BMPR2: variants seen among roughly 807,000 people sequenced by gnomAD.
BMPR2 encodes bone morphogenetic protein receptor type 2.
In BMPR2, 29 loss-of-function variants were observed where a neutral mutation model predicts 100.8. The observed-to-expected ratio is 0.29, with a 90% CI of 0.21 to 0.39. The LOEUF (loss-of-function observed/expected upper bound fraction) is 0.39, where lower values mean the gene tolerates loss of function less well. Ranked by LOEUF, BMPR2 falls within the 10% of genes least tolerant of loss-of-function variation. The pLI, the probability that BMPR2 is intolerant of heterozygous loss-of-function variation, is 1.00. For synonymous variants in BMPR2, 382 were observed against 442.3 expected (o/e 0.86, Z 1.71); for missense variants, 1,011 against 1,274.5 (o/e 0.79, Z 3.15).
At chr2:202,529,437 T>C (rs1043140399) in intron 7 of BMPR2, among the ~76,000 whole-genome samples, 5 of 152,196 alleles carry the variant, frequency 3.3e-5, no homozygotes, top group African/African-American at 1.2e-4. Flanking sequence ...GTTCTGCCCA[T>C]TGATTTGGTA....
At chr2:202,530,695 T>C in intron 7 of BMPR2, 99 bp from the exon 8 acceptor site, 1 of 1,090,548 alleles carries the variant, frequency 9.2e-7, no homozygotes, top group South Asian at 1.6e-5. Flanking sequence ...AGAAAATTAA[T>C]GGGCAGAAAA....
At chr2:202,559,345 C>T (rs902329429) in intron 12 of BMPR2, among the ~76,000 whole-genome samples, 2 of 151,624 alleles carry the variant, frequency 1.3e-5, no homozygotes, top group African/African-American at 4.8e-5. Context: ...GCATTAAATA[C>T]AATTAAATAC....
chr2:202,467,356 C>T (rs994012632), intron 2 of BMPR2, among the ~76,000 whole-genome samples, 163 bp from the exon 3 acceptor site: 1 of 152,150 alleles, frequency 6.6e-6, no homozygotes, highest in Non-Finnish European at 1.5e-5. Context: ...GTATCCTTTA[C>T]CATTTTTCTG....
chr2:202,552,607 A>G (rs1358022599), intron 10 of BMPR2, 109 bp from the exon 11 acceptor site: 2 of 1,140,458 alleles, frequency 1.8e-6, no homozygotes, highest in East Asian at 5.0e-5. Context: ...GCTATGTAAA[A>G]TACTGGTTAA....
chr2:202,412,529 C>T (rs931666500), intron 1 of BMPR2, among the ~76,000 whole-genome samples: 2 of 152,140 alleles, frequency 1.3e-5, no homozygotes, highest in Non-Finnish European at 2.9e-5. Flanking sequence ...CTGTGTTAGT[C>T]AGGATGGTCT....
chr2:202,478,967 T>C (rs1160175539), intron 3 of BMPR2, among the ~76,000 whole-genome samples: 1 of 151,716 alleles, frequency 6.6e-6, no homozygotes, highest in Non-Finnish European at 1.5e-5. Flanking sequence ...AAATCAAAAG[T>C]GTATATATTG....
At chr2:202,545,606 G>A (rs1440390434) in intron 10 of BMPR2, among the ~76,000 whole-genome samples, 1 of 152,178 alleles carries the variant, frequency 6.6e-6, no homozygotes, top group Non-Finnish European at 1.5e-5. Context: ...TTTAAGTGGG[G>A]TGATGTCATG....
chr2:202,483,389 G>GT (rs913222851), intron 3 of BMPR2, among the ~76,000 whole-genome samples: 119 of 145,588 alleles, frequency 8.2e-4, no homozygotes, highest in Admixed American at 1.8e-3. Context: ...TTTTGTTTTT[G>GT]TTTTTTTTTT....
chr2:202,489,278 C>T (rs1692848367), intron 3 of BMPR2, among the ~76,000 whole-genome samples: 1 of 152,206 alleles, frequency 6.6e-6, no homozygotes, highest in African/African-American at 2.4e-5. Context: ...GCTGGGATTA[C>T]AGGCGTGAGC....
chr2:202,433,203 T>C (rs1439227438), intron 1 of BMPR2, among the ~76,000 whole-genome samples: 2 of 150,546 alleles, frequency 1.3e-5, no homozygotes, highest in African/African-American at 5.0e-5. Context: ...TCTTTAGGAC[T>C]TGTATTAGTC....
At chr2:202,457,781 G>A (rs1158198497) in intron 1 of BMPR2, among the ~76,000 whole-genome samples, 1 of 152,076 alleles carries the variant, frequency 6.6e-6, no homozygotes, top group Non-Finnish European at 1.5e-5. Flanking sequence ...CCACACTGGA[G>A]TGCAATGGTG....
At chr2:202,416,823 TTTTTTC>T (rs961657189) in intron 1 of BMPR2, among the ~76,000 whole-genome samples, 17 of 151,858 alleles carry the variant, frequency 1.1e-4, no homozygotes, top group East Asian at 9.7e-4. Context: ...AACAAAGGAC[TTTTTTC>T]TTTTTCTTTT....
At chr2:202,539,075 A>G (rs144792072) in intron 9 of BMPR2, among the ~76,000 whole-genome samples, 107 of 152,324 alleles carry the variant, frequency 7.0e-4, no homozygotes, top group African/African-American at 2.5e-3. Context: ...TACTACCCCC[A>G]TGAAGTAGGT....
chr2:202,383,051 T>A (rs569282740), intron 1 of BMPR2, among the ~76,000 whole-genome samples: 5 of 152,238 alleles, frequency 3.3e-5, no homozygotes, highest in Non-Finnish European at 5.9e-5. Context: ...AATCTATATC[T>A]TTTATTGCTT....
intron 1 of BMPR2, among the ~76,000 whole-genome samples, chr2:202,429,631 G>A (rs565872960): frequency 3.3e-5 from 5 of 152,126 alleles, no homozygotes; most frequent in Non-Finnish European, 7.4e-5. Context: ...TTTTCACACT[G>A]CTATAAAGAA....
chr2:202,525,248 G>T (rs1461040875), intron 7 of BMPR2, among the ~76,000 whole-genome samples: 1 of 151,986 alleles, frequency 6.6e-6, no homozygotes, highest in East Asian at 1.9e-4. Context: ...GTCTCGCTCT[G>T]TTCCCCAGGC....
intron 1 of BMPR2, among the ~76,000 whole-genome samples, chr2:202,448,372 G>A (rs916853155): frequency 3.3e-5 from 5 of 150,326 alleles, no homozygotes; most frequent in Admixed American, 1.3e-4. Flanking sequence ...GCGTGAACCC[G>A]GGAGGCGGAG....
chr2:202,439,029 T>C (rs1430312073), intron 1 of BMPR2, among the ~76,000 whole-genome samples: 2 of 150,592 alleles, frequency 1.3e-5, no homozygotes, highest in Admixed American at 6.6e-5. Flanking sequence ...AGAGATTGCA[T>C]TGAATATGTA....
At chr2:202,412,479 C>T (rs935252326) in intron 1 of BMPR2, among the ~76,000 whole-genome samples, 4 of 152,086 alleles carry the variant, frequency 2.6e-5, no homozygotes, top group Admixed American at 1.3e-4. Flanking sequence ...CCACCATGCC[C>T]TGCTAATTTT....
Sources: allele counts gnomAD v4.1 joint callset (sites outside exome capture counted in the v4.1 genomes callset), GRCh38; gene constraint gnomAD v4.1.1; transcripts MANE v1.5; gene names NCBI Gene and HGNC (gene_info 2026-07-23, HGNC 2026-07-21).